The following INPP5A variants were observed in gnomAD, a reference collection of about 807,000 sequenced individuals.
INPP5A encodes inositol polyphosphate-5-phosphatase A.
A neutral mutation model predicts 65.2 loss-of-function variants in INPP5A; 14 were observed. The observed-to-expected ratio is 0.21, with a 90% CI of 0.14 to 0.34. The LOEUF is 0.34. Among genes scored for constraint, INPP5A ranks in the 10% least tolerant of loss-of-function variants. The pLI, the probability that INPP5A is intolerant of heterozygous loss-of-function variation, is 1.00. For synonymous variants in INPP5A, 207 were observed against 208.3 expected, an observed-to-expected ratio of 0.99 and a Z score of 0.05; for missense variants, 431 against 545.6, an observed-to-expected ratio of 0.79 and a Z score of 2.09.
intron 2 of INPP5A, 76 bp from the exon 3 acceptor site, chr10:132,645,792 C>T (rs1276632012): frequency 1.2e-5 from 14 of 1,125,588 alleles, no homozygotes; most frequent in East Asian, 7.7e-5. Context: ...GCTGTGGGGG[C>T]GGTGGAGGGG....
At chr10:132,709,768 G>T (rs552850277) in intron 7 of INPP5A, among the ~76,000 whole-genome samples, 153 of 152,362 alleles carry the variant, frequency 1.0e-3, no homozygotes, top group African/African-American at 3.4e-3. Context: ...CCCCTGGTGA[G>T]AGGGCACGTC....
At position 132,603,259 on chromosome 10, in the gene INPP5A, A is replaced by G. The variant is rs769916155; in HGVS notation, c.76-4656A>G. ...TTCTCTATTAGGGGCTGTATAGCAA[A>G]CACGCTAAAGATCATCTCAGTTTTT... is the stretch of plus-strand genomic sequence containing the variant. On this transcript the variant is annotated intron_variant, in intron 1 of 15. Coordinates refer to ENST00000368594, the MANE Select transcript of INPP5A (RefSeq NM_005539.5). This position sits in a 1 kb window ranked among gnomAD's most constrained non-coding sequence, Gnocchi z 4.2. 1.3e-5 allele frequency among the ~76,000 whole-genome samples: 2 copies of G among 152,168 alleles called. No individual in the cohort carries two copies. The highest frequency in any genetic ancestry group is 6.5e-5 in the Admixed American group (1 of 15,280).
Position 132,659,634 on chromosome 10 carries a change from A to G in INPP5A, c.306+9129A>G, listed in dbSNP as rs888209198. 4.6e-5 allele frequency among the ~76,000 whole-genome samples: 7 copies of G among 152,134 alleles called. No individual in the cohort carries two copies. Among genetic ancestry groups the G allele is most frequent in the South Asian group, 2.1e-4 (1 of 4,828 alleles). ...GTGCTGAGCGCCGTGGCTGATGCAC[A>G]CCCACCGTCCCCTGCAGAGGAGACC... On this transcript the variant is annotated intron_variant, in intron 4 of 15. Coordinates refer to ENST00000368594, the MANE Select transcript of INPP5A (RefSeq NM_005539.5). The surrounding 1 kb of genome is among the most constrained non-coding windows in gnomAD (Gnocchi z 5.5).
At chr10:132,577,765 T>C (rs2071427750) in intron 1 of INPP5A, among the ~76,000 whole-genome samples, 1 of 152,178 alleles carries the variant, frequency 6.6e-6, no homozygotes, top group Admixed American at 6.5e-5. Context: ...GCAGCGGTGG[T>C]TCGTGGCCTC....
chr10:132,657,229 C>T (rs2072668569), intron 4 of INPP5A, among the ~76,000 whole-genome samples: 1 of 152,236 alleles, frequency 6.6e-6, no homozygotes, highest in African/African-American at 2.4e-5. Context: ...CCGCTGGTCA[C>T]CAACCGGGGG....
chr10:132,537,918 A>C lies in INPP5A; in HGVS notation c.-179A>C. On this transcript the variant is annotated 5_prime_UTR_variant, in exon 1 of 16. Coordinates refer to ENST00000368594, the MANE Select transcript of INPP5A (RefSeq NM_005539.5). ...CCGCGGAGCAGCGAGCGAGCGAGCGAGCGCGAGGCCGGAGCCCCGGCCAGG... is the reference window on the plus strand; with the variant it reads ...CCGCGGAGCAGCGAGCGAGCGAGCGCGCGCGAGGCCGGAGCCCCGGCCAGG... 1.5e-5 allele frequency: 3 copies of C among 198,768 alleles called. No individual in the cohort carries two copies. Among genetic ancestry groups the C allele is most frequent in the Non-Finnish European group, 3.0e-5 (3 of 100,954 alleles). 12.3% of individuals were successfully genotyped at this position (198,768 alleles called of 1,614,324 possible).
At chr10:132,777,935 C>A in intron 13 of INPP5A, 153 bp downstream of exon 13, 1 of 1,470,904 alleles carries the variant, frequency 6.8e-7, no homozygotes, top group South Asian at 1.4e-5. Flanking sequence ...CCATGAGCTG[C>A]ACCCCAGCAT....
chr10:132,726,753 A>T, intron 8 of INPP5A, 68 bp from the exon 9 acceptor site: 1 of 1,087,342 alleles, frequency 9.2e-7, no homozygotes, highest in Non-Finnish European at 1.4e-6. Flanking sequence ...GTGGAGGAGC[A>T]CCGGGGCCGG....
At chr10:132,724,218 C>T (rs918892013) in intron 8 of INPP5A, among the ~76,000 whole-genome samples, 3 of 152,230 alleles carry the variant, frequency 2.0e-5, no homozygotes, top group Non-Finnish European at 2.9e-5. Flanking sequence ...AAACCCGTGC[C>T]GCTGGGAATG....
At chr10:132,775,999 CAT>C (rs1424680707) in intron 12 of INPP5A, among the ~76,000 whole-genome samples, 1 of 150,620 alleles carries the variant, frequency 6.6e-6, no homozygotes, top group Non-Finnish European at 1.5e-5. Flanking sequence ...ATGCAATGGA[CAT>C]GTGTCCAGGG....
intron 4 of INPP5A, among the ~76,000 whole-genome samples, chr10:132,673,062 A>T (rs899331949): frequency 1.3e-5 from 2 of 151,994 alleles, no homozygotes; most frequent in African/African-American, 4.8e-5. Flanking sequence ...TTCCATGTAT[A>T]CTCTTCCTTA....
In INPP5A at chr10:132,781,920, C is replaced by T. The variant is rs769763525; in HGVS notation, c.1218C>T (p.His406=). 3.8e-5 allele frequency: 61 copies of T among 1,613,766 alleles called. 1 individual carries two copies. Among genetic ancestry groups the T allele is most frequent in the South Asian group, 1.1e-5 (1 of 91,094 alleles). Reference sequence around the variant, plus strand: ...CAGGTAAACCTCATGCCCATGTGCACAAGTGTTGTGTCGTGCAGTGACGTG... The same window carrying T: ...CAGGTAAACCTCATGCCCATGTGCATAAGTGTTGTGTCGTGCAGTGACGTG... ...PGAGKPHAHV[H]KCCVVQ Residue 406 remains histidine, a synonymous_variant, in exon 15 of 16, where the codon CAC becomes CAT. Coordinates refer to ENST00000368594, the MANE Select transcript of INPP5A (RefSeq NM_005539.5).
rs542800251 is a variant in INPP5A at position 132,605,107 on chromosome 10, G to A, written c.76-2808G>A. Among the ~76,000 whole-genome samples the A allele has an allele frequency of 1.3e-4, 20 of 151,454 alleles. No individual in the cohort carries two copies. The East Asian group carries it at 3.7e-3, about 28-fold the overall frequency. ...AAGGACAGAGCAGGGAGATCCCTGAGGAGGGAGTGGGAAGGGACTGGGGAT... is the reference window on the plus strand; with the variant it reads ...AAGGACAGAGCAGGGAGATCCCTGAAGAGGGAGTGGGAAGGGACTGGGGAT... On this transcript the variant is annotated intron_variant, in intron 1 of 15. Transcript: ENST00000368594.
rs61862836 is a variant in INPP5A, at chr10:132,758,595, C to T, written c.904-7178C>T. Among the ~76,000 whole-genome samples the T allele has an allele frequency of 5.1e-3, 507 of 99,984 alleles. 6 individuals carry two copies. The highest frequency in any genetic ancestry group is 0.012 in the African/African-American group (375 of 31,616). 65.6% of individuals were successfully genotyped at this position (99,984 alleles called of 152,430 possible). ...ATGTCGTTGGGTCCCCAGCTGACCCCATGGGCCAGTGCGATGATGTGGGTC... is the reference window on the plus strand; with the variant it reads ...ATGTCGTTGGGTCCCCAGCTGACCCTATGGGCCAGTGCGATGATGTGGGTC... On this transcript the variant is annotated intron_variant, in intron 11 of 15. Transcript: ENST00000368594.
intron 1 of INPP5A, among the ~76,000 whole-genome samples, chr10:132,539,033 T>A (rs1451631239): frequency 1.3e-5 from 2 of 152,118 alleles, no homozygotes. Flanking sequence ...CCCCTAACTC[T>A]GGTTCCTAGA....
At chr10:132,712,007 C>T (rs899303690) in intron 8 of INPP5A, among the ~76,000 whole-genome samples, 6 of 152,310 alleles carry the variant, frequency 3.9e-5, no homozygotes, top group East Asian at 1.9e-4. Flanking sequence ...TGACCAGCGC[C>T]GTCAGATGCT....
chr10:132,717,157 G>A (rs796306547), intron 8 of INPP5A, among the ~76,000 whole-genome samples: 1 of 152,266 alleles, frequency 6.6e-6, no homozygotes, highest in African/African-American at 2.4e-5. Context: ...GCGTCCTCAC[G>A]TGGTGGAGGG....
At chr10:132,656,824 G>T (rs902583300) in intron 4 of INPP5A, among the ~76,000 whole-genome samples, 1 of 152,190 alleles carries the variant, frequency 6.6e-6, no homozygotes, top group Non-Finnish European at 1.5e-5. Flanking sequence ...CCGGAGGCGT[G>T]TGCACCCTTC....
rs993973446 is a variant in INPP5A at position 132,659,414 on chromosome 10, TG to T, written c.306+8912del. Among the ~76,000 whole-genome samples the T allele has an allele frequency of 6.6e-6, 1 of 152,080 alleles. No individual in the cohort carries two copies. Among genetic ancestry groups the T allele is most frequent in the African/African-American group, 2.4e-5 (1 of 41,404 alleles). ...CTAGCTCTGGGTGAGGCGGGAGTGG[TG>T]GGCAGTGCTGGCCATGAGGTCCCTG... On this transcript the variant is annotated intron_variant, in intron 4 of 15. Transcript: ENST00000368594. The surrounding 1 kb of genome is among the most constrained non-coding windows in gnomAD (Gnocchi z 5.5).
Sources: allele counts gnomAD v4.1 joint callset (sites outside exome capture counted in the v4.1 genomes callset), GRCh38; gene constraint gnomAD v4.1.1; non-coding constraint Gnocchi (gnomAD v3.1); transcripts MANE v1.5; gene names NCBI Gene and HGNC (gene_info 2026-07-23, HGNC 2026-07-21).